The following PEX5L variants were observed in gnomAD, a reference collection of about 807,000 sequenced individuals.
PEX5L encodes the protein PEX5-related protein.
In PEX5L, 30 loss-of-function variants were observed where a neutral mutation model predicts 84.0. The observed-to-expected ratio is 0.36, with a 90% confidence interval of 0.27 to 0.48. The LOEUF is 0.48. Ranked by LOEUF, PEX5L falls within the 20% of genes least tolerant of loss-of-function variation. The pLI is 0.99. For synonymous variants in PEX5L, 270 were observed against 283.1 expected (o/e 0.95, Z 0.46); for missense variants, 533 against 754.6 (o/e 0.71, Z 3.44).
intron 1 of PEX5L, among the ~76,000 whole-genome samples, chr3:179,988,326 G>A (rs1322832503): frequency 2.0e-5 from 3 of 151,712 alleles, no homozygotes; most frequent in South Asian, 2.1e-4. Flanking sequence ...GCTTGAACCC[G>A]GGAGGCAGAG....
At chr3:179,897,014 G>T (rs1201776968) in intron 3 of PEX5L, among the ~76,000 whole-genome samples, 1 of 151,992 alleles carries the variant, frequency 6.6e-6, no homozygotes, top group African/African-American at 2.4e-5. Flanking sequence ...AAAGTCTTGG[G>T]AATCTTTAAT....
chr3:179,983,872 G>T (rs1786561697), intron 1 of PEX5L, among the ~76,000 whole-genome samples: 1 of 151,988 alleles, frequency 6.6e-6, no homozygotes, highest in Admixed American at 6.6e-5. Context: ...TGAATGAAGT[G>T]TTTTTTGATA....
intron 1 of PEX5L, among the ~76,000 whole-genome samples, chr3:180,027,227 C>A (rs560728262): frequency 4.6e-5 from 7 of 152,218 alleles, no homozygotes; most frequent in Non-Finnish European, 8.8e-5. Context: ...GGGGTCCACA[C>A]TGACCTGTTC....
intron 2 of PEX5L, among the ~76,000 whole-genome samples, chr3:179,939,358 G>A (rs1289942469): frequency 6.6e-6 from 1 of 152,198 alleles, no homozygotes; most frequent in Admixed American, 6.5e-5. Flanking sequence ...TCGATAACTT[G>A]TCAGAAGTGC....
intron 1 of PEX5L, among the ~76,000 whole-genome samples, chr3:179,992,596 T>C (rs67434912): frequency 0.034 from 5,230 of 152,198 alleles, 118 homozygotes; most frequent in Middle Eastern, 0.1. Context: ...AGAGATGCAG[T>C]GGAAACGTAA....
At chr3:179,952,935 A>C (rs1560887793) in intron 2 of PEX5L, among the ~76,000 whole-genome samples, 1 of 152,204 alleles carries the variant, frequency 6.6e-6, no homozygotes, top group Non-Finnish European at 1.5e-5. Flanking sequence ...CAGAGGCCTC[A>C]GAAATAATGC....
At chr3:179,991,788 CCT>C (rs1787402741) in intron 1 of PEX5L, among the ~76,000 whole-genome samples, 1 of 152,146 alleles carries the variant, frequency 6.6e-6, no homozygotes, top group Non-Finnish European at 1.5e-5. Context: ...TCTCTTTCTC[CCT>C]GTCTCTCTTT....
intron 1 of PEX5L, among the ~76,000 whole-genome samples, chr3:180,024,575 C>T (rs978344545): frequency 1.2e-4 from 18 of 150,032 alleles, no homozygotes; most frequent in Admixed American, 1.2e-3. Context: ...ATAAAAGGAA[C>T]CCATGGTTCA....
chr3:179,992,418 T>G (rs894285821), intron 1 of PEX5L, among the ~76,000 whole-genome samples: 1 of 152,226 alleles, frequency 6.6e-6, no homozygotes, highest in African/African-American at 2.4e-5. Flanking sequence ...ACAGTGCTCT[T>G]TTTATTTTAT....
At chr3:179,987,991 A>G (rs1388531229) in intron 1 of PEX5L, among the ~76,000 whole-genome samples, 1 of 152,096 alleles carries the variant, frequency 6.6e-6, no homozygotes, top group African/African-American at 2.4e-5. Context: ...TTTTTCCCAT[A>G]TTCAAAGGCT....
intron 1 of PEX5L, among the ~76,000 whole-genome samples, chr3:180,029,790 A>C (rs527919692): frequency 1.7e-4 from 26 of 152,320 alleles, no homozygotes; most frequent in Non-Finnish European, 3.1e-4. Context: ...GTTGGACTTG[A>C]GATTCTGCAT....
chr3:179,961,321 AT>A (rs916727587), intron 2 of PEX5L, among the ~76,000 whole-genome samples: 4 of 151,128 alleles, frequency 2.6e-5, no homozygotes, highest in Non-Finnish European at 4.4e-5. Context: ...AAATGACAGA[AT>A]TCTAGAGTTG....
chr3:179,983,880 A>G (rs1282804825), intron 1 of PEX5L, among the ~76,000 whole-genome samples: 2 of 152,042 alleles, frequency 1.3e-5, no homozygotes, highest in Admixed American at 1.3e-4. Context: ...GTGTTTTTTG[A>G]TATTGTATAA....
rs114473450 is a variant in PEX5L at position 180,027,080 on chromosome 3, G to T, written c.21+9499C>A. Among the ~76,000 whole-genome samples, 1,421 of 152,030 alleles carry T rather than the reference G, an allele frequency of 9.3e-3. 27 individuals are homozygous for T. Among genetic ancestry groups the T allele is most frequent in the African/African-American group, 0.032 (1,316 of 41,344 alleles). On this transcript the variant is annotated intron_variant, in intron 1 of 14. Transcript: ENST00000467460. ...TAGAGAGTCCATCCTGGCAGTAAGG[G>T]CAGCCATTGAAGCTGTAACATGGGG...
intron 3 of PEX5L, among the ~76,000 whole-genome samples, chr3:179,895,152 GAT>G (rs1758840361): frequency 6.6e-6 from 1 of 152,020 alleles, no homozygotes. Flanking sequence ...AATTAAATAA[GAT>G]ATTTGATTTA....
rs73883414 is a variant in PEX5L at position 179,950,035 on chromosome 3, C to T, written c.93+21559G>A. ...TGCTGAGGATCTGCTGTAAAAGGAC[C>T]GGCCTATTGGTACTGTGAAACTGTG... On this transcript the variant is annotated intron_variant, in intron 2 of 14. Coordinates refer to ENST00000467460, the MANE Select transcript of PEX5L (RefSeq NM_016559.3). Among the ~76,000 whole-genome samples, 871 of 152,232 alleles carry T rather than the reference C, an allele frequency of 5.7e-3. 7 individuals carry two copies. Among genetic ancestry groups the T allele is most frequent in the African/African-American group, 0.02 (831 of 41,542 alleles).
In PEX5L at chr3:179,898,229, C is replaced by G. The variant is rs377189247; in HGVS notation, c.111G>C (p.Ala37=). 3 of 1,612,616 alleles carry G rather than the reference C, an allele frequency of 1.9e-6. No individual in the cohort carries two copies. In the African/African-American group the frequency reaches 4.0e-5, roughly 22 times the overall value. Residue 37 remains alanine, a synonymous_variant, in exon 3 of 15, where the codon GCG becomes GCC. Coordinates refer to ENST00000467460, the MANE Select transcript of PEX5L (RefSeq NM_016559.3). ...TCACCATGGCAACAGCCTTATCTGC[C>G]GCCCTAGAGCCTTTTCCCTATAACA... ...VDQKQGKGSR[A]ADKAVAMVMK... is the part of the protein sequence containing the mutation.
intron 8 of PEX5L, among the ~76,000 whole-genome samples, chr3:179,836,849 C>T (rs1406975621): frequency 6.6e-6 from 1 of 152,028 alleles, no homozygotes; most frequent in Non-Finnish European, 1.5e-5. Flanking sequence ...TCTGAGATAC[C>T]TTATCAAAAA....
rs1193246634 is a variant in PEX5L at position 179,886,027 on chromosome 3, CT to C, written c.310+1645del. Among the ~76,000 whole-genome samples the C allele has an allele frequency of 1.8e-4, 28 of 152,342 alleles. 1 individual carries two copies. The highest frequency in any genetic ancestry group is 6.5e-4 in the African/African-American group (27 of 41,576). ...TTTTCCTACAGTATTTCACAGGTCT[CT>C]CTTCCATATGTTAGAACAATCAAGC... On this transcript the variant is annotated intron_variant, in intron 4 of 14. Transcript: ENST00000467460.
Sources: gnomAD v4.1 joint callset for allele counts (sites outside exome capture counted in the v4.1 genomes callset) on GRCh38, gnomAD v4.1.1 for gene constraint, MANE v1.5 for transcripts, NCBI Gene and HGNC (gene_info 2026-07-23, HGNC 2026-07-21) for gene names.